GALNT1: variants seen among roughly 807,000 people sequenced by gnomAD.
GALNT1 encodes GalNAc transferase 1.
In GALNT1, 17 loss-of-function variants were observed where a neutral mutation model predicts 65.7. That is an observed-to-expected ratio of 0.26 (90% confidence interval 0.18 to 0.39). The LOEUF (loss-of-function observed/expected upper bound fraction) is 0.39, where lower values mean the gene tolerates loss of function less well. Ranked by LOEUF, GALNT1 falls within the 10% of genes least tolerant of loss-of-function variation. GALNT1 has a pLI of 1.00. For synonymous variants in GALNT1, 210 were observed against 219.7 expected, an observed-to-expected ratio of 0.96 and a Z score of 0.39; for missense variants, 460 against 672.8, an observed-to-expected ratio of 0.68 and a Z score of 3.50.
intron 1 of GALNT1, among the ~76,000 whole-genome samples, chr18:35,602,871 C>T (rs994833492): frequency 6.6e-6 from 1 of 152,126 alleles, no homozygotes; most frequent in Non-Finnish European, 1.5e-5. Context: ...CTCACTTTGT[C>T]CTTCTGGGGA....
intron 1 of GALNT1, chr18:35,596,730 C>T (rs944721699): frequency 6.6e-6 from 1 of 152,262 alleles, no homozygotes; most frequent in Non-Finnish European, 1.5e-5. Flanking sequence ...TTCCTCACAT[C>T]TCTAGGGGAA....
chr18:35,643,420 G>A (rs2047190634), intron 1 of GALNT1, among the ~76,000 whole-genome samples: 1 of 152,120 alleles, frequency 6.6e-6, no homozygotes, highest in Non-Finnish European at 1.5e-5. Context: ...GGACATTTAA[G>A]GCATTAAGTA....
intron 1 of GALNT1, among the ~76,000 whole-genome samples, chr18:35,649,206 A>G (rs776082622): frequency 1.3e-5 from 2 of 152,132 alleles, no homozygotes; most frequent in East Asian, 1.9e-4. Flanking sequence ...AGTTGCTCCA[A>G]TTCCTTTCCA....
At chr18:35,610,420 G>T (rs1040916156) in intron 1 of GALNT1, among the ~76,000 whole-genome samples, 126 of 152,284 alleles carry the variant, frequency 8.3e-4, no homozygotes, top group African/African-American at 2.9e-3. Context: ...GTCACTTTTT[G>T]TTTATTGTCT....
chr18:35,584,579 A>G (rs1016335728), intron 1 of GALNT1, among the ~76,000 whole-genome samples: 4 of 152,174 alleles, frequency 2.6e-5, no homozygotes, highest in African/African-American at 9.7e-5. Flanking sequence ...TTCAATTAAT[A>G]TTTATTGACT....
chr18:35,695,038 T>G (rs914580287), intron 9 of GALNT1, among the ~76,000 whole-genome samples: 1 of 152,216 alleles, frequency 6.6e-6, no homozygotes, highest in Non-Finnish European at 1.5e-5. Flanking sequence ...AAGAGTTACT[T>G]CATGGGCATA....
chr18:35,628,533 A>G (rs1419433950), intron 1 of GALNT1, among the ~76,000 whole-genome samples: 1 of 152,236 alleles, frequency 6.6e-6, no homozygotes, highest in African/African-American at 2.4e-5. Context: ...AAACTAACAA[A>G]CAGAAAGGAC....
chr18:35,694,381 T>C (rs2048019406), intron 9 of GALNT1, among the ~76,000 whole-genome samples: 1 of 152,096 alleles, frequency 6.6e-6, no homozygotes, highest in Admixed American at 6.5e-5. Context: ...AAGAGCCAAC[T>C]TAACACCCAT....
At chr18:35,709,531 A>C (rs1379678362) in intron 11 of GALNT1, 93 bp from the exon 12 acceptor site, 1 of 1,355,130 alleles carries the variant, frequency 7.4e-7, no homozygotes, top group East Asian at 2.3e-5. Flanking sequence ...ACCAAAAAAA[A>C]CACCTTTTCT....
chr18:35,651,105 G>A (rs1005925548), intron 1 of GALNT1, among the ~76,000 whole-genome samples: 2 of 152,056 alleles, frequency 1.3e-5, no homozygotes, highest in African/African-American at 2.4e-5. Context: ...TGGTCCCTCC[G>A]TTCGGGGTCC....
chr18:35,689,151 G>T lies in GALNT1; in HGVS notation c.861-22G>T, dbSNP rs202177527. 2.9e-3 allele frequency: 4,087 copies of T among 1,410,664 alleles called. 9 individuals carry two copies. Among genetic ancestry groups the T allele is most frequent in the Non-Finnish European group, 3.3e-3 (3,330 of 996,208 alleles). 87.4% of individuals were successfully genotyped at this position (1,410,664 alleles called of 1,614,324 possible). A position where few individuals can be genotyped will look rare whatever the true frequency, so the allele number is the denominator to read the frequency against. ...GATTGTAAATTTTAAATTGCTAATG[G>T]TATAGCATTATTGAATTTCAGGACA... On this transcript the variant is annotated intron_variant, in intron 6 of 11. Coordinates refer to ENST00000269195, the MANE Select transcript of GALNT1 (RefSeq NM_020474.4).
intron 5 of GALNT1, 131 bp from the exon 6 acceptor site, chr18:35,686,885 G>C (rs1442920426): frequency 3.9e-6 from 3 of 776,906 alleles, no homozygotes; most frequent in Admixed American, 6.3e-5. Flanking sequence ...AGCCTGGGTG[G>C]TGACAGAGTA....
intron 1 of GALNT1, among the ~76,000 whole-genome samples, chr18:35,632,189 G>GAAA (rs972161952): frequency 6.6e-6 from 1 of 152,126 alleles, no homozygotes; most frequent in Non-Finnish European, 1.5e-5. Flanking sequence ...CACAGAATTG[G>GAAA]AAAAAACTAC....
intron 3 of GALNT1, among the ~76,000 whole-genome samples, chr18:35,675,630 T>C (rs1169462532): frequency 1.3e-5 from 2 of 152,242 alleles, no homozygotes; most frequent in Non-Finnish European, 2.9e-5. Context: ...TTCCTAGCCA[T>C]AGACATGGCT....
intron 1 of GALNT1, among the ~76,000 whole-genome samples, chr18:35,618,498 A>G (rs1392164122): frequency 1.3e-5 from 2 of 152,186 alleles, no homozygotes; most frequent in Admixed American, 6.5e-5. Context: ...ATAAAGACAA[A>G]CATGTGTAAC....
intron 7 of GALNT1, among the ~76,000 whole-genome samples, chr18:35,689,997 T>C (rs779582348): frequency 3.9e-5 from 6 of 152,208 alleles, no homozygotes; most frequent in Non-Finnish European, 5.9e-5. Context: ...AATATCACCT[T>C]GGAGATCCTA....
intron 1 of GALNT1, among the ~76,000 whole-genome samples, chr18:35,605,695 A>G (rs578003292): frequency 2.7e-4 from 41 of 152,052 alleles, no homozygotes; most frequent in African/African-American, 8.0e-4. Flanking sequence ...GAATAGTATA[A>G]TGAACCCTCA....
At chr18:35,599,463 G>A (rs117686543) in intron 1 of GALNT1, among the ~76,000 whole-genome samples, 241 of 148,846 alleles carry the variant, frequency 1.6e-3, no homozygotes, top group East Asian at 0.011. Context: ...CTTGAACTCC[G>A]GGGCTCAAGT....
intron 2 of GALNT1, among the ~76,000 whole-genome samples, chr18:35,660,263 T>TA (rs1568026321): frequency 1.3e-5 from 2 of 151,796 alleles, no homozygotes; most frequent in African/African-American, 4.8e-5. Flanking sequence ...GAAACACACA[T>TA]AAGAAATTTG....
Sources: gnomAD v4.1 joint callset for allele counts (sites outside exome capture counted in the v4.1 genomes callset) on GRCh38, gnomAD v4.1.1 for gene constraint, MANE v1.5 for transcripts, NCBI Gene and HGNC (gene_info 2026-07-23, HGNC 2026-07-21) for gene names.